CCDC149: variants seen among roughly 807,000 people sequenced by gnomAD.
CCDC149 encodes the protein coiled-coil domain containing 149.
In CCDC149, 45 loss-of-function variants were observed where a neutral mutation model predicts 59.9. The observed-to-expected ratio is 0.75, with a 90% CI of 0.59 to 0.96. The LOEUF (loss-of-function observed/expected upper bound fraction) is 0.96, where lower values mean the gene tolerates loss of function less well. CCDC149 is among the 40% of genes least tolerant of loss of function. The pLI is 0.00. For missense variants in CCDC149, 584 were observed against 664.7 expected, an observed-to-expected ratio of 0.88 and a Z score of 1.33; for synonymous variants, 245 against 260.6, an observed-to-expected ratio of 0.94 and a Z score of 0.58.
At chr4:24,902,638 T>C (rs1038701337) in intron 1 of CCDC149, among the ~76,000 whole-genome samples, 1 of 152,178 alleles carries the variant, frequency 6.6e-6, no homozygotes, top group Non-Finnish European at 1.5e-5. Context: ...CCCCACTCCA[T>C]CAAGCCTCAC....
chr4:24,809,667 C>T (rs1481230439), intron 12 of CCDC149, among the ~76,000 whole-genome samples: 2 of 152,230 alleles, frequency 1.3e-5, no homozygotes, highest in Non-Finnish European at 2.9e-5. Context: ...CTTCCCAGCC[C>T]TCAGGCTAAA....
At chr4:24,861,163 G>T (rs1718351302) in intron 3 of CCDC149, among the ~76,000 whole-genome samples, 1 of 152,026 alleles carries the variant, frequency 6.6e-6, no homozygotes, top group Admixed American at 6.6e-5. Flanking sequence ...ACTTGCACAT[G>T]CATGTTTGTA....
chr4:24,808,343 C>G lies in CCDC149; in HGVS notation c.*46G>C. On this transcript the variant is annotated 3_prime_UTR_variant, in exon 13 of 13. Coordinates refer to ENST00000635206, the MANE Select transcript of CCDC149 (RefSeq NM_001330643.2). ...CCATTCCGATGCTTCATTCTTGACC[C>G]TCTCTGGGGCTTTCAATGTGTCATT... 7.1e-7 allele frequency: 1 copy of G among 1,413,008 alleles called. No homozygotes were observed. The highest frequency in any genetic ancestry group is 9.3e-7 in the Non-Finnish European group (1 of 1,078,388). The allele number at this position is 1,413,008 out of a possible 1,614,324, so 87.5% of individuals were successfully genotyped here.
chr4:24,956,496 A>T (rs1317363829), intron 1 of CCDC149, among the ~76,000 whole-genome samples: 1 of 151,994 alleles, frequency 6.6e-6, no homozygotes, highest in Non-Finnish European at 1.5e-5. Context: ...GTGATCCACT[A>T]CCTCAGCTCT....
At chr4:24,813,794 T>G (rs1048559478) in intron 12 of CCDC149, among the ~76,000 whole-genome samples, 2 of 152,204 alleles carry the variant, frequency 1.3e-5, no homozygotes, top group African/African-American at 4.8e-5. Context: ...TGGTAAAAAC[T>G]CTGAGAAGCT....
At chr4:24,966,368 A>G (rs1723797849) in intron 1 of CCDC149, among the ~76,000 whole-genome samples, 1 of 152,122 alleles carries the variant, frequency 6.6e-6, no homozygotes, top group Non-Finnish European at 1.5e-5. Flanking sequence ...CTCCCACAGA[A>G]GGGATCTCAT....
At chr4:24,884,896 C>A (rs1347395711) in intron 1 of CCDC149, among the ~76,000 whole-genome samples, 1 of 152,040 alleles carries the variant, frequency 6.6e-6, no homozygotes, top group Non-Finnish European at 1.5e-5. Flanking sequence ...AGTTGGAGGA[C>A]AATGTGGTAT....
chr4:24,869,080 C>T (rs1718869418), intron 3 of CCDC149, among the ~76,000 whole-genome samples: 1 of 152,192 alleles, frequency 6.6e-6, no homozygotes, highest in South Asian at 2.1e-4. Flanking sequence ...ATGATCTGTC[C>T]TCCTGCGACT....
At chr4:24,859,262 TAA>T (rs1560221862) in intron 3 of CCDC149, among the ~76,000 whole-genome samples, 1 of 152,186 alleles carries the variant, frequency 6.6e-6, no homozygotes, top group African/African-American at 2.4e-5. Context: ...TACACTAATA[TAA>T]GTGTTCTGAG....
At chr4:24,813,499 T>TCTATATATATATATATAG (rs1714780654) in intron 12 of CCDC149, among the ~76,000 whole-genome samples, 2 of 18,280 alleles carry the variant, frequency 1.1e-4, no homozygotes, top group African/African-American at 2.5e-4. Flanking sequence ...AATATATATA[T>TCTATATATATATATATAG]ATATATATAT....
chr4:24,962,484 C>T (rs1723662441), intron 1 of CCDC149, among the ~76,000 whole-genome samples: 1 of 152,090 alleles, frequency 6.6e-6, no homozygotes, highest in African/African-American at 2.4e-5. Context: ...GGACTATACC[C>T]AGCGGACTAT....
chr4:24,964,366 CAA>C (rs1219520878), intron 1 of CCDC149, among the ~76,000 whole-genome samples: 6 of 152,028 alleles, frequency 3.9e-5, no homozygotes, highest in Non-Finnish European at 7.4e-5. Context: ...AATAAACTGA[CAA>C]AAATGAACAG....
chr4:24,810,670 G>A (rs1363653960), intron 12 of CCDC149, among the ~76,000 whole-genome samples: 1 of 152,188 alleles, frequency 6.6e-6, no homozygotes, highest in African/African-American at 2.4e-5. Flanking sequence ...CAACAGGTAT[G>A]TAAATGTTGA....
intron 1 of CCDC149, among the ~76,000 whole-genome samples, chr4:24,931,829 G>GTATATATATGTATATATATATA (rs60585956): frequency 0.11 from 8,474 of 76,302 alleles, 844 homozygotes; most frequent in Middle Eastern, 0.15. Flanking sequence ...TGGAGAGTAT[G>GTATATATATGTATATATATATA]TATATATATA....
intron 1 of CCDC149, among the ~76,000 whole-genome samples, chr4:24,931,329 A>ATATATATATATATATATC (rs1324334564): frequency 6.8e-6 from 1 of 146,110 alleles, no homozygotes; most frequent in Non-Finnish European, 1.5e-5. Flanking sequence ...ATATATATAT[A>ATATATATATATATATATC]TATCTCAGTA....
intron 9 of CCDC149, 80 bp from the exon 10 acceptor site, chr4:24,822,653 A>G (rs1715486285): frequency 3.2e-6 from 3 of 940,706 alleles, no homozygotes; most frequent in South Asian, 3.3e-5. Context: ...CTGGTGCCCT[A>G]GTAGAAAAGT....
At chr4:24,957,590 T>C (rs113342597) in intron 1 of CCDC149, among the ~76,000 whole-genome samples, 43 of 152,358 alleles carry the variant, frequency 2.8e-4, no homozygotes, top group South Asian at 2.3e-3. Context: ...CATGTATTCA[T>C]AAGCAATGAG....
Position 24,831,625 on chromosome 4 carries a change from A to G in CCDC149, c.846T>C (p.His282=). 6.2e-7 allele frequency: 1 copy of G among 1,614,138 alleles called. No individual in the cohort carries two copies. Among genetic ancestry groups the G allele is most frequent in the South Asian group, 1.1e-5 (1 of 91,082 alleles). Residue 282 remains histidine, a synonymous_variant, in exon 9 of 13, where the codon CAT becomes CAC. Coordinates refer to ENST00000635206, the MANE Select transcript of CCDC149 (RefSeq NM_001330643.2). The stretch of plus-strand genomic sequence containing the variant: ...GCGGAGTAGCTGGGAGGCTGCATCC[A>G]TGATCCTCAGATAGCAGATCCTGAA...
At chr4:24,851,307 T>C (rs916310043) in intron 4 of CCDC149, among the ~76,000 whole-genome samples, 1 of 152,244 alleles carries the variant, frequency 6.6e-6, no homozygotes, top group African/African-American at 2.4e-5. Flanking sequence ...CTGTCATCCA[T>C]GCTAGAGTGC....
Sources: allele counts gnomAD v4.1 joint callset (sites outside exome capture counted in the v4.1 genomes callset), GRCh38; gene constraint gnomAD v4.1.1; transcripts MANE v1.5; gene names NCBI Gene and HGNC (gene_info 2026-07-23, HGNC 2026-07-21).